TLE1: variants seen among roughly 807,000 people sequenced by gnomAD.
TLE1 encodes the protein TLE family member 1, transcriptional corepressor.
Under a neutral mutation model 89.8 loss-of-function variants are expected in TLE1, and 21 were observed. That is an observed-to-expected ratio of 0.23 (90% CI 0.17 to 0.34). TLE1 has a LOEUF of 0.34. TLE1 is among the 10% of genes least tolerant of loss of function. The pLI is 1.00. For missense variants in TLE1, 795 were observed against 1,031.2 expected, an observed-to-expected ratio of 0.77 and a Z score of 3.14; for synonymous variants, 447 against 407.6, an observed-to-expected ratio of 1.10 and a Z score of -1.16.
In TLE1 at chr9:81,687,233, C is replaced by T. The variant is rs897104571; in HGVS notation, c.125+101G>A. The T allele has an allele frequency of 6.4e-6, 6 of 935,006 alleles. No individual in the cohort carries two copies. In the South Asian group the frequency reaches 7.7e-5, roughly 12 times the overall value. The allele number at this position is 935,006 out of a possible 1,614,324, so 57.9% of individuals were successfully genotyped here. On this transcript the variant is annotated intron_variant, in intron 2 of 19. Coordinates refer to ENST00000376499, the MANE Select transcript of TLE1 (RefSeq NM_005077.5). ...TTAACTGAGACTCCACACGCCACCG[C>T]CTGGACGCAAGAACTAAGTACAGGC... is the stretch of plus-strand genomic sequence containing the variant.
rs748806534 is a variant in TLE1 at position 81,685,830 on chromosome 9, T to C, written c.189+3A>G. The C allele has an allele frequency of 5.0e-6, 8 of 1,614,138 alleles. No homozygotes were observed. The highest frequency in any genetic ancestry group is 4.5e-5 in the East Asian group (2 of 44,870). On this transcript the variant is annotated splice_donor_region_variant and intron_variant, in intron 3 of 19. Coordinates refer to ENST00000376499, the MANE Select transcript of TLE1 (RefSeq NM_005077.5). ...AGGAAAAAGTCCAATCTTTGATACCTACCATCACATAGTGCCTCTGCATTT... is the reference window on the plus strand; with the variant it reads ...AGGAAAAAGTCCAATCTTTGATACCCACCATCACATAGTGCCTCTGCATTT...
rs138184989 is a variant in TLE1 at position 81,645,785 on chromosome 9, A to T, written c.372+6429T>A. Among the ~76,000 whole-genome samples the T allele has an allele frequency of 1.4e-4, 22 of 152,280 alleles. 1 individual carries two copies. The highest frequency in any genetic ancestry group is 4.1e-4 in the African/African-American group (17 of 41,574). On this transcript the variant is annotated intron_variant, in intron 6 of 19. Coordinates refer to ENST00000376499, the MANE Select transcript of TLE1 (RefSeq NM_005077.5). ...AAAATAAAATAAAAATAAATGCTTGAGGGGATAGATACCCCATTCTTTATG... is the reference window on the plus strand; with the variant it reads ...AAAATAAAATAAAAATAAATGCTTGTGGGGATAGATACCCCATTCTTTATG...
chr9:81,656,048 C>T (rs1830117573), intron 4 of TLE1, among the ~76,000 whole-genome samples: 1 of 152,102 alleles, frequency 6.6e-6, no homozygotes, highest in Admixed American at 6.5e-5. Flanking sequence ...ACAGACAGAC[C>T]ATGCCTTGGA....
intron 14 of TLE1, among the ~76,000 whole-genome samples, chr9:81,609,530 A>G (rs967170396): frequency 6.6e-6 from 1 of 152,254 alleles, no homozygotes; most frequent in African/African-American, 2.4e-5. Context: ...ATGAAAATGA[A>G]GCAATTTTTA....
At position 81,689,118 on chromosome 9, in the gene TLE1, CCCTTCTTCCGAGCT is replaced by C. The variant is rs1158226373; in HGVS notation, c.-892_-879del. The stretch of plus-strand genomic sequence containing the variant: ...GCACGGCCGGACCGGCCGCTCCGGA[CCCTTCTTCCGAGCT>C]CCTTCTTCCTCGGTCTTCTTTCTTT... On this transcript the variant is annotated 5_prime_UTR_variant, in exon 1 of 20. Coordinates refer to ENST00000376499, the MANE Select transcript of TLE1 (RefSeq NM_005077.5). 5 of 152,470 alleles carry C rather than the reference CCCTTCTTCCGAGCT, an allele frequency of 3.3e-5. No homozygotes were observed. The highest frequency in any genetic ancestry group is 1.2e-4 in the African/African-American group (5 of 41,476). The allele number at this position is 152,470 out of a possible 1,614,324, so 9.4% of individuals were successfully genotyped here. A position where few individuals can be genotyped will look rare whatever the true frequency, so the allele number is the denominator to read the frequency against.
chr9:81,674,850 A>G (rs1832687379), intron 4 of TLE1, among the ~76,000 whole-genome samples: 1 of 152,198 alleles, frequency 6.6e-6, no homozygotes, highest in Non-Finnish European at 1.5e-5. Context: ...AGGTGAAGAC[A>G]GAATTCTTAA....
At chr9:81,686,910 T>C (rs1445273219) in intron 2 of TLE1, among the ~76,000 whole-genome samples, 1 of 152,182 alleles carries the variant, frequency 6.6e-6, no homozygotes, top group African/African-American at 2.4e-5. Flanking sequence ...TTAATGGACT[T>C]TGCCTCAGAA....
At chr9:81,655,175 C>T (rs1830012614) in intron 4 of TLE1, among the ~76,000 whole-genome samples, 1 of 151,972 alleles carries the variant, frequency 6.6e-6, no homozygotes, top group South Asian at 2.1e-4. Flanking sequence ...ACCAGCCTAG[C>T]CAAGATGGTG....
rs145321756 is a variant in TLE1, at chr9:81,668,563, A to C, written c.235-14527T>G. Among the ~76,000 whole-genome samples, 51 of 152,288 alleles carry C rather than the reference A, an allele frequency of 3.3e-4. No homozygotes were observed. The East Asian group carries it at 7.7e-3, about 23-fold the overall frequency. On this transcript the variant is annotated intron_variant, in intron 4 of 19. Coordinates refer to ENST00000376499, the MANE Select transcript of TLE1 (RefSeq NM_005077.5). ...GCATCATTATACAATCCACAGAGGA[A>C]TCTAAGTAAGAGAAAAATAATCACC... is the stretch of plus-strand genomic sequence containing the variant.
chr9:81,676,746 A>G (rs1231076343), intron 4 of TLE1, among the ~76,000 whole-genome samples: 1 of 152,216 alleles, frequency 6.6e-6, no homozygotes, highest in Non-Finnish European at 1.5e-5. Context: ...TACATCTGCT[A>G]TCTTAAAGAT....
At chr9:81,651,090 T>C (rs186165911) in intron 6 of TLE1, among the ~76,000 whole-genome samples, 162 of 152,318 alleles carry the variant, frequency 1.1e-3, no homozygotes, top group African/African-American at 3.7e-3. Context: ...GTGGCCGTCA[T>C]TGGACTATGG....
chr9:81,680,558 T>C (rs1204566347), intron 4 of TLE1, among the ~76,000 whole-genome samples: 2 of 152,162 alleles, frequency 1.3e-5, no homozygotes, highest in African/African-American at 2.4e-5. Flanking sequence ...CTTACTCCAG[T>C]GCAAGTCCAG....
chr9:81,591,001 G>A lies in TLE1; in HGVS notation c.1633C>T (p.Leu545Phe), dbSNP rs762297110. 6.8e-6 allele frequency: 11 copies of A among 1,614,128 alleles called. No homozygotes were observed. The highest frequency in any genetic ancestry group is 1.3e-5 in the African/African-American group (1 of 74,940). ...SCKLLPDGCT[L>F]IVGGEASTLS... ...GTACTGGCTTCCCCTCCCACTATGA[G>A]AGTGCAGCCATCGGGTAGCAATTTA... Residue 545 changes from leucine to phenylalanine, a missense_variant, in exon 16 of 20, where the codon CTC becomes TTC. Physicochemically the swap from Leu to Phe is conservative, Grantham distance 22 (BLOSUM62 0). Transcript: ENST00000376499.
intron 4 of TLE1, among the ~76,000 whole-genome samples, chr9:81,669,503 T>C (rs377467983): frequency 6.6e-6 from 1 of 152,206 alleles, no homozygotes; most frequent in Non-Finnish European, 1.5e-5. Context: ...CAAGCAGTAC[T>C]GTAAAGTAGA....
chr9:81,656,537 C>T (rs1319244978), intron 4 of TLE1, among the ~76,000 whole-genome samples: 1 of 152,192 alleles, frequency 6.6e-6, no homozygotes, highest in African/African-American at 2.4e-5. Flanking sequence ...AGCCCATCAT[C>T]CAAGGATAAG....
chr9:81,658,403 A>G (rs1435068634), intron 4 of TLE1, among the ~76,000 whole-genome samples: 1 of 152,120 alleles, frequency 6.6e-6, no homozygotes, highest in Non-Finnish European at 1.5e-5. Flanking sequence ...AAGCCATACC[A>G]TATGTCCTGG....
At chr9:81,597,702 A>T (rs1587898514) in intron 14 of TLE1, among the ~76,000 whole-genome samples, 1 of 152,202 alleles carries the variant, frequency 6.6e-6, no homozygotes, top group Non-Finnish European at 1.5e-5. Flanking sequence ...GTCAGAATCG[A>T]AAAGAATAAA....
At chr9:81,608,151 G>A (rs375135930) in intron 14 of TLE1, among the ~76,000 whole-genome samples, 1 of 152,108 alleles carries the variant, frequency 6.6e-6, no homozygotes, top group African/African-American at 2.4e-5. Flanking sequence ...GCTCATGCCT[G>A]TAATCCAAGC....
intron 18 of TLE1, among the ~76,000 whole-genome samples, chr9:81,584,961 T>TCCAC (rs1554715297): frequency 7.3e-4 from 89 of 121,414 alleles, no homozygotes; most frequent in Admixed American, 1.6e-3. Flanking sequence ...TAGGCACTCA[T>TCCAC]CCACCCATCC....
Sources: allele counts gnomAD v4.1 joint callset (sites outside exome capture counted in the v4.1 genomes callset), GRCh38; gene constraint gnomAD v4.1.1; transcripts MANE v1.5; gene names NCBI Gene and HGNC (gene_info 2026-07-23, HGNC 2026-07-21).